The following PTPRG variants were observed in gnomAD, a reference collection of about 807,000 sequenced individuals.
PTPRG encodes the protein receptor-type tyrosine-protein phosphatase gamma.
In PTPRG, 102 loss-of-function variants were observed where a neutral mutation model predicts 165.3. The ratio of observed to expected loss-of-function variants is 0.62; its 90% CI spans 0.53 to 0.73. The LOEUF (loss-of-function observed/expected upper bound fraction) is 0.73. Ranked by LOEUF, PTPRG falls within the 30% of genes least tolerant of loss-of-function variation. The pLI, the probability that PTPRG is intolerant of heterozygous loss-of-function variation, is 0.00. For synonymous variants in PTPRG, 675 were observed against 669.5 expected (o/e 1.01, Z -0.13); for missense variants, 1,866 against 1,861.4 (o/e 1.00, Z -0.05).
Position 62,213,224 on chromosome 3 carries a change from G to A in PTPRG, c.2156-5627G>A, listed in dbSNP as rs1431334221. Among the ~76,000 whole-genome samples the A allele has an allele frequency of 6.6e-6, 1 of 152,140 alleles. No homozygotes were observed. Among genetic ancestry groups the A allele is most frequent in the Non-Finnish European group, 1.5e-5 (1 of 68,034 alleles). ...GCTCCATTGAAGGAAAGAAAAGAAT[G>A]AACATTTCTTGGGCACCTCCTCTGT... On this transcript the variant is annotated intron_variant, in intron 12 of 29. Coordinates refer to ENST00000474889, the MANE Select transcript of PTPRG (RefSeq NM_002841.4). This position sits in a 1 kb window ranked among gnomAD's most constrained non-coding sequence, Gnocchi z 4.4.
intron 1 of PTPRG, among the ~76,000 whole-genome samples, chr3:61,695,791 C>T (rs1472638580): frequency 6.6e-6 from 1 of 151,978 alleles, no homozygotes; most frequent in African/African-American, 2.4e-5. Flanking sequence ...ATTGTTTTTG[C>T]CAAGTGAACA....
intron 1 of PTPRG, among the ~76,000 whole-genome samples, chr3:61,628,784 C>A (rs1050919756): frequency 3.3e-5 from 5 of 152,194 alleles, no homozygotes; most frequent in Admixed American, 3.3e-4. Context: ...CTGTGCCATA[C>A]TGCTTATTTA....
chr3:62,000,201 A>G (rs896194558), intron 3 of PTPRG, among the ~76,000 whole-genome samples: 3 of 151,596 alleles, frequency 2.0e-5, no homozygotes, highest in Non-Finnish European at 4.4e-5. Flanking sequence ...GAATCACTTG[A>G]ACCCAGGAAG....
chr3:62,046,587 C>T (rs1453080777), intron 4 of PTPRG, among the ~76,000 whole-genome samples: 1 of 152,106 alleles, frequency 6.6e-6, no homozygotes, highest in Non-Finnish European at 1.5e-5. Context: ...TGCTTGCTGC[C>T]TTCATTTTAT....
At chr3:61,766,351 T>G (rs1360785216) in intron 2 of PTPRG, among the ~76,000 whole-genome samples, 1 of 152,192 alleles carries the variant, frequency 6.6e-6, no homozygotes, top group Non-Finnish European at 1.5e-5. Flanking sequence ...CTTTCTCACA[T>G]CCCAGACTAA....
At chr3:62,055,646 G>A (rs148205748) in intron 4 of PTPRG, among the ~76,000 whole-genome samples, 92 of 152,330 alleles carry the variant, frequency 6.0e-4, no homozygotes, top group African/African-American at 2.1e-3. Flanking sequence ...GATGTCTGTA[G>A]GGTTGGTTCC....
chr3:62,157,252 C>G (rs1422216019), intron 7 of PTPRG, 28 bp downstream of exon 7: 2 of 1,605,546 alleles, frequency 1.2e-6, no homozygotes, highest in South Asian at 1.1e-5. Flanking sequence ...AGTGGGGTTT[C>G]TGTGTTTACT....
chr3:61,578,990 G>C (rs1007019595), intron 1 of PTPRG, among the ~76,000 whole-genome samples: 2 of 152,134 alleles, frequency 1.3e-5, no homozygotes, highest in Non-Finnish European at 2.9e-5. Flanking sequence ...GTGTTGAAGG[G>C]GCGCTGGAGG....
At chr3:61,878,341 T>C (rs150989792) in intron 2 of PTPRG, among the ~76,000 whole-genome samples, 1 of 152,180 alleles carries the variant, frequency 6.6e-6, no homozygotes, top group Non-Finnish European at 1.5e-5. Flanking sequence ...AATTCTTCTA[T>C]CTCTTCTTTT....
chr3:61,725,062 A>G (rs1222993437), intron 1 of PTPRG, among the ~76,000 whole-genome samples: 1 of 152,182 alleles, frequency 6.6e-6, no homozygotes, highest in Non-Finnish European at 1.5e-5. Flanking sequence ...CACCAGGTAC[A>G]GAAGATTTTC....
intron 1 of PTPRG, among the ~76,000 whole-genome samples, chr3:61,613,782 G>A (rs902342512): frequency 1.3e-5 from 2 of 152,140 alleles, no homozygotes; most frequent in African/African-American, 4.8e-5. Flanking sequence ...TTACAGTTGT[G>A]CTTTTGTATT....
intron 3 of PTPRG, among the ~76,000 whole-genome samples, chr3:61,996,919 G>A (rs1029593350): frequency 5.3e-5 from 8 of 152,178 alleles, no homozygotes; most frequent in Non-Finnish European, 1.2e-4. Context: ...AAGTTCAGTA[G>A]TAGGAACTAG....
chr3:62,291,249 C>T (rs1028756613), intron 28 of PTPRG, among the ~76,000 whole-genome samples: 5 of 152,074 alleles, frequency 3.3e-5, no homozygotes, highest in Non-Finnish European at 7.4e-5. Flanking sequence ...TGTTCTCGTG[C>T]TGGGAATAGT....
At chr3:62,144,255 C>T (rs2106653532) in intron 6 of PTPRG, among the ~76,000 whole-genome samples, 1 of 152,280 alleles carries the variant, frequency 6.6e-6, no homozygotes, top group African/African-American at 2.4e-5. Flanking sequence ...AATAGTGTTG[C>T]CTGCACCCAG....
At chr3:61,896,863 C>T (rs1017351055) in intron 2 of PTPRG, among the ~76,000 whole-genome samples, 10 of 151,630 alleles carry the variant, frequency 6.6e-5, no homozygotes, top group African/African-American at 1.5e-4. Flanking sequence ...ATCTGTATGT[C>T]GTCTTTGGTG....
At chr3:61,605,183 C>G (rs554714656) in intron 1 of PTPRG, among the ~76,000 whole-genome samples, 1 of 152,266 alleles carries the variant, frequency 6.6e-6, no homozygotes, top group African/African-American at 2.4e-5. Flanking sequence ...CTGAGAGAAC[C>G]CTAACGATGT....
intron 1 of PTPRG, among the ~76,000 whole-genome samples, chr3:61,712,830 C>T (rs879676184): frequency 6.6e-6 from 1 of 152,144 alleles, no homozygotes; most frequent in Admixed American, 6.5e-5. Flanking sequence ...ACTACAAAAA[C>T]ATGCATGAAA....
chr3:62,186,854 AC>A (rs1447640026), intron 8 of PTPRG, among the ~76,000 whole-genome samples: 1 of 152,048 alleles, frequency 6.6e-6, no homozygotes, highest in Admixed American at 6.5e-5. Context: ...GGCGTGAGCC[AC>A]CACGCCTGTC....
At chr3:62,172,583 G>A (rs532254454) in intron 8 of PTPRG, among the ~76,000 whole-genome samples, 17 of 151,728 alleles carry the variant, frequency 1.1e-4, no homozygotes, top group African/African-American at 3.4e-4. Flanking sequence ...TTTTCCCTAC[G>A]AAGACTCAGG....
Sources: gnomAD v4.1 joint callset for allele counts (sites outside exome capture counted in the v4.1 genomes callset) on GRCh38, gnomAD v4.1.1 for gene constraint, Gnocchi (gnomAD v3.1) non-coding constraint, MANE v1.5 for transcripts, NCBI Gene and HGNC (gene_info 2026-07-23, HGNC 2026-07-21) for gene names.